The following TBC1D13 variants were observed in gnomAD, a reference collection of about 807,000 sequenced individuals.
TBC1D13 encodes the protein epididymis secretory sperm binding protein.
Under a neutral mutation model 53.6 loss-of-function variants are expected in TBC1D13, and 40 were observed. The ratio of observed to expected loss-of-function variants is 0.75; its 90% CI spans 0.58 to 0.97. TBC1D13 has a LOEUF of 0.97. TBC1D13 is among the 50% of genes least tolerant of loss of function. The pLI is 0.00. For missense variants in TBC1D13, 377 were observed against 499.4 expected (o/e 0.75, Z 2.34); for synonymous variants, 182 against 197.7 (o/e 0.92, Z 0.67).
At chr9:128,795,467 TTTTTTTTTTTTGG>T (rs1829613050) in intron 6 of TBC1D13, among the ~76,000 whole-genome samples, 3 of 13,758 alleles carry the variant, frequency 2.2e-4, no homozygotes, top group Admixed American at 7.9e-4. Context: ...TTTTTTTTTT[TTTTTTTTTTTTGG>T]GAAGGAGTCT....
chr9:128,802,525 T>C (rs183096392), intron 7 of TBC1D13, among the ~76,000 whole-genome samples: 101 of 152,332 alleles, frequency 6.6e-4, no homozygotes, highest in Non-Finnish European at 1.2e-3. Context: ...TACTTCTCAC[T>C]GCTCTGACTT....
chr9:128,789,265 G>A (rs1325620929), intron 2 of TBC1D13, among the ~76,000 whole-genome samples: 3 of 127,854 alleles, frequency 2.3e-5, no homozygotes, highest in South Asian at 2.4e-4. Flanking sequence ...GCAGTGAGCC[G>A]AGATTGCGCC....
chr9:128,804,129 C>T lies in TBC1D13; in HGVS notation c.918+10C>T, dbSNP rs1188607850. 1 of 1,613,022 alleles carries T rather than the reference C, an allele frequency of 6.2e-7. No individual in the cohort carries two copies. Among genetic ancestry groups the T allele is most frequent in the Non-Finnish European group, 8.5e-7 (1 of 1,179,592 alleles). On this transcript the variant is annotated intron_variant, in intron 9 of 11. Transcript: ENST00000372648. ...GCTCTACCTGAAACTGGTGAGGACC[C>T]CAGGAACAGACGGGTGGAAAGGGAC...
chr9:128,808,032 C>T lies in TBC1D13; in HGVS notation c.*153C>T, dbSNP rs1256242506. On this transcript the variant is annotated 3_prime_UTR_variant, in exon 12 of 12. Coordinates refer to ENST00000372648, the MANE Select transcript of TBC1D13 (RefSeq NM_018201.5). The stretch of plus-strand genomic sequence containing the variant: ...CATGCCCACTGGGGACACACTGTGC[C>T]GTGCTCCTTCTGCCGCCACGCCCAG... The T allele has an allele frequency of 1.4e-5, 10 of 694,180 alleles. No homozygotes were observed. Among genetic ancestry groups the T allele is most frequent in the African/African-American group, 5.4e-5 (3 of 56,046 alleles). 43.0% of individuals were successfully genotyped at this position (694,180 alleles called of 1,614,324 possible).
At chr9:128,792,663 A>G (rs746019507) in intron 6 of TBC1D13, 89 bp downstream of exon 6, 24 of 1,224,452 alleles carry the variant, frequency 2.0e-5, no homozygotes, top group Non-Finnish European at 2.6e-5. Context: ...GGCCGGGCCT[A>G]TGGGTGAGTG....
In TBC1D13 at chr9:128,803,964, G is replaced by A. The variant is rs201528298; in HGVS notation, c.763G>A (p.Glu255Lys). Residue 255 changes from glutamate to lysine, a missense_variant, in exon 9 of 12, where the codon GAG (glutamate) becomes AAG (lysine). Transcript: ENST00000372648. ...DPNSEWKEHA[E>K]ADTFFCFTNL... ...ATCCTGCTCTCTCCCAGAGCACGCC[G>A]AGGCAGACACCTTTTTCTGCTTCAC... 15 of 1,612,846 alleles carry A rather than the reference G, an allele frequency of 9.3e-6. No homozygotes were observed. The highest frequency in any genetic ancestry group is 1.3e-5 in the African/African-American group (1 of 74,888).
chr9:128,792,275 C>T (rs975787521), intron 5 of TBC1D13, among the ~76,000 whole-genome samples: 8 of 152,170 alleles, frequency 5.3e-5, no homozygotes, highest in African/African-American at 1.7e-4. Flanking sequence ...AGAGCTGGTC[C>T]CCAGGCTGGG....
At chr9:128,790,602 TC>T in intron 2 of TBC1D13, 132 bp from the exon 3 acceptor site, 1 of 794,338 alleles carries the variant, frequency 1.3e-6, no homozygotes, top group Admixed American at 3.0e-5. Context: ...AATCTAGTCA[TC>T]TTTCTTGGGG....
intron 7 of TBC1D13, among the ~76,000 whole-genome samples, chr9:128,802,037 A>G (rs1211802760): frequency 2.0e-5 from 3 of 147,946 alleles, no homozygotes; most frequent in Non-Finnish European, 4.5e-5. Flanking sequence ...CTGGGATTAC[A>G]GGCGTGAGCC....
Position 128,803,952 on chromosome 9 carries a change from C to T in TBC1D13, c.755-4C>T, listed in dbSNP as rs1202972771. 7 of 1,612,418 alleles carry T rather than the reference C, an allele frequency of 4.3e-6. No homozygotes were observed. The African/African-American group carries it at 8.0e-5, about 18-fold the overall frequency. ...ACTTCTGCCCCCATCCTGCTCTCTC[C>T]CAGAGCACGCCGAGGCAGACACCTT... On this transcript the variant is annotated splice_polypyrimidine_tract_variant and splice_region_variant and intron_variant, in intron 8 of 11. Transcript: ENST00000372648.
At chr9:128,798,013 G>A (rs1829666075) in intron 7 of TBC1D13, among the ~76,000 whole-genome samples, 1 of 152,144 alleles carries the variant, frequency 6.6e-6, no homozygotes, top group Non-Finnish European at 1.5e-5. Flanking sequence ...AGCACTTTGG[G>A]TGGCCGAGGT....
intron 11 of TBC1D13, among the ~76,000 whole-genome samples, chr9:128,807,173 A>G (rs1413049008): frequency 6.9e-6 from 1 of 144,918 alleles, no homozygotes; most frequent in Non-Finnish European, 1.5e-5. Flanking sequence ...TGCAACCTCC[A>G]CCTCCCAGGT....
rs2132560568 is a variant in TBC1D13 at position 128,809,203 on chromosome 9, G to A, written c.*1324G>A. On this transcript the variant is annotated 3_prime_UTR_variant, in exon 12 of 12. Coordinates refer to ENST00000372648, the MANE Select transcript of TBC1D13 (RefSeq NM_018201.5). ...CCCCTCCACCCGCTGCGGGCTGAGGGAGGTGCAGGGCCTTCTCTGACCCCT... is the reference window on the plus strand; with the variant it reads ...CCCCTCCACCCGCTGCGGGCTGAGGAAGGTGCAGGGCCTTCTCTGACCCCT... 1 of 152,594 alleles carries A rather than the reference G, an allele frequency of 6.6e-6. No individual in the cohort carries two copies. Among genetic ancestry groups the A allele is most frequent in the Admixed American group, 6.5e-5 (1 of 15,298 alleles). 9.5% of individuals were successfully genotyped at this position (152,594 alleles called of 1,614,324 possible).
chr9:128,790,658 C>A, intron 2 of TBC1D13, 77 bp from the exon 3 acceptor site: 1 of 1,391,740 alleles, frequency 7.2e-7, no homozygotes, highest in Non-Finnish European at 9.6e-7. Context: ...TACTCCCCGC[C>A]AGTTGGCTCC....
intron 4 of TBC1D13, 50 bp from the exon 5 acceptor site, chr9:128,791,544 C>A: frequency 6.2e-7 from 1 of 1,608,688 alleles, no homozygotes; most frequent in Non-Finnish European, 8.5e-7. Context: ...CTGCTCTGGG[C>A]TCCCTGGGCA....
chr9:128,806,962 C>CTCAAGGG (rs1829846267), intron 11 of TBC1D13, among the ~76,000 whole-genome samples: 1 of 151,722 alleles, frequency 6.6e-6, no homozygotes, highest in East Asian at 2.0e-4. Context: ...AGAACATGGG[C>CTCAAGGG]TCAAGGGCCT....
Position 128,791,583 on chromosome 9 carries a change from G to A in TBC1D13, c.201-11G>A, listed in dbSNP as rs1262166702. ...CCGTTGGGAATCATCCTTCTCACTT[G>A]TCTCCTGCAGGGAGCTGTATGCCCA... On this transcript the variant is annotated splice_polypyrimidine_tract_variant and intron_variant, in intron 4 of 11. Coordinates refer to ENST00000372648, the MANE Select transcript of TBC1D13 (RefSeq NM_018201.5). 1.9e-6 allele frequency: 3 copies of A among 1,613,982 alleles called. No individual in the cohort carries two copies. The highest frequency in any genetic ancestry group is 2.5e-6 in the Non-Finnish European group (3 of 1,179,942).
chr9:128,806,110 G>T, intron 10 of TBC1D13, 91 bp downstream of exon 10: 1 of 1,585,562 alleles, frequency 6.3e-7, no homozygotes, highest in Admixed American at 1.7e-5. Context: ...GGTGGGCAGG[G>T]CTGCTCTTTC....
At chr9:128,806,210 CAG>C in intron 10 of TBC1D13, 42 bp from the exon 11 acceptor site, 1 of 1,613,754 alleles carries the variant, frequency 6.2e-7, no homozygotes, top group Admixed American at 1.7e-5. Context: ...GGCCTGCACT[CAG>C]AGCATCCCAG....
Sources: allele counts gnomAD v4.1 joint callset (sites outside exome capture counted in the v4.1 genomes callset), GRCh38; gene constraint gnomAD v4.1.1; transcripts MANE v1.5; gene names NCBI Gene and HGNC (gene_info 2026-07-23, HGNC 2026-07-21).